Variants in TRPM7 observed in about 807,000 individuals in gnomAD.
TRPM7 encodes the protein transient receptor potential cation channel subfamily M member 7, also known as LTRPC ion channel family member 7.
TRPM7 carries 134 observed loss-of-function variants against 229.7 expected under a neutral mutation model. The observed-to-expected ratio is 0.58, with a 90% CI of 0.51 to 0.67. The LOEUF (loss-of-function observed/expected upper bound fraction) is 0.67. Ranked by LOEUF, TRPM7 falls within the 30% of genes least tolerant of loss-of-function variation. The probability of loss-of-function intolerance (pLI) is 0.00; values close to 1 mark genes in which losing one functional copy is unlikely to be tolerated. For synonymous variants in TRPM7, 699 were observed against 715.2 expected (o/e 0.98, Z 0.36); for missense variants, 1,901 against 2,210.0 (o/e 0.86, Z 2.80).
chr15:50,640,277 T>A (rs964084753), intron 5 of TRPM7, among the ~76,000 whole-genome samples: 1 of 152,008 alleles, frequency 6.6e-6, no homozygotes, highest in African/African-American at 2.4e-5. Flanking sequence ...TCACTTCTTT[T>A]TTTTGAGGGA....
At chr15:50,594,893 A>C (rs1285158787) in intron 23 of TRPM7, among the ~76,000 whole-genome samples, 1 of 152,216 alleles carries the variant, frequency 6.6e-6, no homozygotes, top group African/African-American at 2.4e-5. Flanking sequence ...TAATCAAGTA[A>C]GTGCAAATTT....
chr15:50,610,083 C>A, intron 17 of TRPM7, 122 bp from the exon 18 acceptor site: 1 of 737,870 alleles, frequency 1.4e-6, no homozygotes, highest in East Asian at 2.8e-5. Context: ...GCCATTTTGC[C>A]CCTAGCAGTA....
At chr15:50,651,036 C>T (rs887267329) in intron 3 of TRPM7, among the ~76,000 whole-genome samples, 1 of 151,778 alleles carries the variant, frequency 6.6e-6, no homozygotes, top group African/African-American at 2.4e-5. Flanking sequence ...AACATACAAA[C>T]GTTAGTCGGG....
At chr15:50,579,212 A>G (rs1248469201) in intron 30 of TRPM7, among the ~76,000 whole-genome samples, 1 of 152,198 alleles carries the variant, frequency 6.6e-6, no homozygotes, top group Non-Finnish European at 1.5e-5. Flanking sequence ...TTCCAGTGTC[A>G]ACTAGACACA....
intron 27 of TRPM7, chr15:50,588,125 T>A: frequency 7.5e-6 from 5 of 669,096 alleles, no homozygotes; most frequent in Non-Finnish European, 9.2e-6. Context: ...ATTTCCTCCA[T>A]CTAAAAGCAC....
At chr15:50,627,145 C>T (rs2060586660) in intron 11 of TRPM7, among the ~76,000 whole-genome samples, 1 of 152,120 alleles carries the variant, frequency 6.6e-6, no homozygotes, top group Admixed American at 6.6e-5. Context: ...GTGATTACTA[C>T]CTACCAAGCT....
chr15:50,581,367 C>T lies in TRPM7; in HGVS notation c.4558-459G>A, dbSNP rs1034851704. ...TACAAAAATTAGCTGGGCGTGGTGG[C>T]GGGCGCCTATAATCCCAGCTACTTG... On this transcript the variant is annotated intron_variant, in intron 29 of 38. Coordinates refer to ENST00000646667, the MANE Select transcript of TRPM7 (RefSeq NM_017672.6). 7.2e-5 allele frequency among the ~76,000 whole-genome samples: 11 copies of T among 151,978 alleles called. No homozygotes were observed. The South Asian group carries it at 8.3e-4, about 11-fold the overall frequency.
chr15:50,674,921 T>G (rs1596347550), intron 1 of TRPM7, among the ~76,000 whole-genome samples: 1 of 152,196 alleles, frequency 6.6e-6, no homozygotes, highest in Non-Finnish European at 1.5e-5. Context: ...TGTTTCTCAT[T>G]GGCAAATCCA....
chr15:50,635,450 T>G (rs764425988), intron 7 of TRPM7, among the ~76,000 whole-genome samples: 8 of 150,020 alleles, frequency 5.3e-5, no homozygotes, highest in Non-Finnish European at 1.0e-4. Context: ...GATCACGAGG[T>G]CAGGAGATCG....
Position 50,599,002 on chromosome 15 carries a change from G to C in TRPM7, c.3163+120C>G, listed in dbSNP as rs1404162320. ...TCTTCTGGAGTTCACTAACGCCTTT[G>C]TGTGGGGCTTAGGTTGGTAATAGTT... On this transcript the variant is annotated intron_variant, in intron 22 of 38. Coordinates refer to ENST00000646667, the MANE Select transcript of TRPM7 (RefSeq NM_017672.6). 5 of 710,178 alleles carry C rather than the reference G, an allele frequency of 7.0e-6. No individual in the cohort carries two copies. The African/African-American group carries it at 8.9e-5, about 13-fold the overall frequency. The allele number at this position is 710,178 out of a possible 1,614,324, so 44.0% of individuals were successfully genotyped here.
At chr15:50,601,628 C>A (rs112935953) in intron 21 of TRPM7, among the ~76,000 whole-genome samples, 24 of 151,722 alleles carry the variant, frequency 1.6e-4, no homozygotes, top group Non-Finnish European at 2.6e-4. Flanking sequence ...GGTGACACAG[C>A]GAGACTCCAT....
At chr15:50,655,453 A>T (rs1318715878) in intron 3 of TRPM7, among the ~76,000 whole-genome samples, 1 of 144,304 alleles carries the variant, frequency 6.9e-6, no homozygotes, top group Non-Finnish European at 1.6e-5. Flanking sequence ...AAAAACAAAA[A>T]AACAAAAAAC....
chr15:50,612,985 A>T (rs2060104501), intron 15 of TRPM7, among the ~76,000 whole-genome samples, 156 bp from the exon 16 acceptor site: 1 of 152,228 alleles, frequency 6.6e-6, no homozygotes, highest in South Asian at 2.1e-4. Context: ...ATAGCTCATA[A>T]TTCATTTTAT....
intron 12 of TRPM7, among the ~76,000 whole-genome samples, chr15:50,620,789 G>A (rs953872645): frequency 2.0e-5 from 3 of 152,046 alleles, no homozygotes; most frequent in East Asian, 1.9e-4. Context: ...AAAATTAGCC[G>A]GGTGTGGTGG....
chr15:50,634,061 G>A (rs1042269037), intron 8 of TRPM7, among the ~76,000 whole-genome samples: 2 of 152,184 alleles, frequency 1.3e-5, no homozygotes, highest in Non-Finnish European at 2.9e-5. Flanking sequence ...GCTCATGCCT[G>A]TAATCCCAGC....
chr15:50,562,051 T>C (rs2053340544), intron 38 of TRPM7, among the ~76,000 whole-genome samples: 1 of 152,014 alleles, frequency 6.6e-6, no homozygotes, highest in African/African-American at 2.4e-5. Flanking sequence ...TGCACCACCA[T>C]GCCCGGCTAA....
intron 7 of TRPM7, 98 bp from the exon 8 acceptor site, chr15:50,634,654 A>G: frequency 1.1e-6 from 1 of 891,600 alleles, no homozygotes; most frequent in East Asian, 3.3e-5. Context: ...CTAATTTTAG[A>G]TTTTACTGAA....
chr15:50,684,818 A>G (rs2062321989), intron 1 of TRPM7, among the ~76,000 whole-genome samples: 1 of 152,184 alleles, frequency 6.6e-6, no homozygotes, highest in South Asian at 2.1e-4. Flanking sequence ...GGTACTAGAG[A>G]CTGAAAGAGT....
chr15:50,596,531 C>G (rs756591028), intron 22 of TRPM7, 150 bp from the exon 23 acceptor site: 60 of 645,568 alleles, frequency 9.3e-5, no homozygotes, highest in Non-Finnish European at 1.4e-4. Flanking sequence ...GCAAAAGCAT[C>G]TGGGCAAGGA....
Sources: gnomAD v4.1 joint callset for allele counts (sites outside exome capture counted in the v4.1 genomes callset) on GRCh38, gnomAD v4.1.1 for gene constraint, MANE v1.5 for transcripts, NCBI Gene and HGNC (gene_info 2026-07-23, HGNC 2026-07-21) for gene names.